Variants in ATP6V1B2 observed in about 807,000 individuals in gnomAD.
ATP6V1B2 encodes the protein ATPase H+ transporting V1 subunit B2, also known as V-type proton ATPase subunit B, brain isoform.
Under a neutral mutation model 66.7 loss-of-function variants are expected in ATP6V1B2, and 23 were observed. That is an observed-to-expected ratio of 0.34 (90% CI 0.25 to 0.49). The LOEUF (loss-of-function observed/expected upper bound fraction) is 0.49. ATP6V1B2 is among the 20% of genes least tolerant of loss of function. The pLI, the probability that ATP6V1B2 is intolerant of heterozygous loss-of-function variation, is 0.99. For synonymous variants in ATP6V1B2, 278 were observed against 236.7 expected, an observed-to-expected ratio of 1.17 and a Z score of -1.60; for missense variants, 478 against 650.8, an observed-to-expected ratio of 0.73 and a Z score of 2.89.
chr8:20,205,415 C>T (rs930324653), intron 2 of ATP6V1B2, among the ~76,000 whole-genome samples: 1 of 152,084 alleles, frequency 6.6e-6, no homozygotes, highest in Non-Finnish European at 1.5e-5. Flanking sequence ...GATATAGTAT[C>T]AATGTCTCAT....
At chr8:20,200,553 T>C (rs1460585607) in intron 1 of ATP6V1B2, among the ~76,000 whole-genome samples, 1 of 152,228 alleles carries the variant, frequency 6.6e-6, no homozygotes, top group African/African-American at 2.4e-5. Flanking sequence ...GGAAAACATA[T>C]TCAGGCTTGA....
intron 1 of ATP6V1B2, 110 bp downstream of exon 1, chr8:20,197,652 C>T: frequency 8.0e-7 from 1 of 1,244,952 alleles, no homozygotes. Context: ...TTTTCCCTCC[C>T]GCGTCTCCCC....
chr8:20,210,720 G>A (rs1350848742), intron 5 of ATP6V1B2, 74 bp downstream of exon 5: 3 of 1,374,424 alleles, frequency 2.2e-6, no homozygotes, highest in South Asian at 2.4e-5. Flanking sequence ...GCCAGATAGA[G>A]AGTGTTTTTT....
intron 6 of ATP6V1B2, 154 bp downstream of exon 6, chr8:20,211,470 A>G (rs904341058): frequency 7.7e-6 from 10 of 1,297,824 alleles, no homozygotes; most frequent in Middle Eastern, 2.4e-4. Context: ...ATTTCTGCAC[A>G]TGTCTTCTTG....
At chr8:20,210,206 A>G (rs2072779324) in intron 3 of ATP6V1B2, 140 bp from the exon 4 acceptor site, 4 of 669,526 alleles carry the variant, frequency 6.0e-6, no homozygotes, top group Non-Finnish European at 7.2e-6. Context: ...ATTTATTATC[A>G]TATTTCTTTG....
chr8:20,197,551 CAG>C lies in ATP6V1B2; in HGVS notation c.136+14_136+15del. 7.3e-7 allele frequency: 1 copy of C among 1,376,388 alleles called. No homozygotes were observed. The highest frequency in any genetic ancestry group is 9.5e-7 in the Non-Finnish European group (1 of 1,054,228). 85.3% of individuals were successfully genotyped at this position (1,376,388 alleles called of 1,614,324 possible). A position where few individuals can be genotyped will look rare whatever the true frequency, so the allele number is the denominator to read the frequency against. ...CTCCCAGCCTCGCCTCAGTGAGTATCAGAGAGTAATACGTCTCCGGTCTTTGC... is the reference window on the plus strand; with the variant it reads ...CTCCCAGCCTCGCCTCAGTGAGTATCAGAGTAATACGTCTCCGGTCTTTGC... On this transcript the variant is annotated intron_variant, in intron 1 of 13. Coordinates refer to ENST00000276390, the MANE Select transcript of ATP6V1B2 (RefSeq NM_001693.4).
intron 9 of ATP6V1B2, 33 bp downstream of exon 9, chr8:20,212,938 A>G: frequency 6.8e-6 from 11 of 1,611,752 alleles, no homozygotes; most frequent in Non-Finnish European, 9.3e-6. Context: ...TCAGTTAAAC[A>G]AAATTGGTTA....
chr8:20,212,945 G>C, intron 9 of ATP6V1B2, 40 bp downstream of exon 9: 1 of 1,611,046 alleles, frequency 6.2e-7, no homozygotes, highest in Non-Finnish European at 8.5e-7. Flanking sequence ...AACAAAATTG[G>C]TTAATTTTCA....
chr8:20,214,687 C>A lies in ATP6V1B2; in HGVS notation c.928-131C>A, dbSNP rs562888147. 9 of 1,058,530 alleles carry A rather than the reference C, an allele frequency of 8.5e-6. No homozygotes were observed. The African/African-American group carries it at 9.8e-5, about 12-fold the overall frequency. 65.6% of individuals were successfully genotyped at this position (1,058,530 alleles called of 1,614,324 possible). A position where few individuals can be genotyped will look rare whatever the true frequency, so the allele number is the denominator to read the frequency against. On this transcript the variant is annotated intron_variant, in intron 9 of 13. Coordinates refer to ENST00000276390, the MANE Select transcript of ATP6V1B2 (RefSeq NM_001693.4). ...TGCCGGGAGATTTTTCTAAATCATTCTTAAGGACAGTATTTAAAATGAACA... is the reference window on the plus strand; with the variant it reads ...TGCCGGGAGATTTTTCTAAATCATTATTAAGGACAGTATTTAAAATGAACA...
At chr8:20,205,921 G>C (rs1390487727) in intron 2 of ATP6V1B2, among the ~76,000 whole-genome samples, 3 of 152,128 alleles carry the variant, frequency 2.0e-5, no homozygotes, top group Admixed American at 2.0e-4. Flanking sequence ...TTTGATATTA[G>C]AAAATCTAAC....
In ATP6V1B2 at chr8:20,210,298, G is replaced by A. The variant is rs184988323; in HGVS notation, c.292-48G>A. 863 of 1,492,642 alleles carry A rather than the reference G, an allele frequency of 5.8e-4. 4 individuals are homozygous for A. Among genetic ancestry groups the A allele is most frequent in the Non-Finnish European group, 6.2e-5 (67 of 1,079,750 alleles). The allele number at this position is 1,492,642 out of a possible 1,614,324, so 92.5% of individuals were successfully genotyped here. On this transcript the variant is annotated intron_variant, in intron 3 of 13. Coordinates refer to ENST00000276390, the MANE Select transcript of ATP6V1B2 (RefSeq NM_001693.4). ...ACAGACAAATAAAATGTAAATGCCC[G>A]TGATCTAAATTACTTCTACCCTTCT...
At chr8:20,212,440 A>G (rs2072804626) in intron 8 of ATP6V1B2, among the ~76,000 whole-genome samples, 1 of 152,188 alleles carries the variant, frequency 6.6e-6, no homozygotes, top group Admixed American at 6.5e-5. Flanking sequence ...ATATTAAATG[A>G]GATCATACTT....
At chr8:20,209,968 A>G (rs911504388) in intron 3 of ATP6V1B2, among the ~76,000 whole-genome samples, 1 of 151,902 alleles carries the variant, frequency 6.6e-6, no homozygotes, top group Non-Finnish European at 1.5e-5. Flanking sequence ...GTAAAGGGCC[A>G]GAGAGTAAAG....
chr8:20,197,662 C>A, intron 1 of ATP6V1B2, 120 bp downstream of exon 1: 1 of 1,217,528 alleles, frequency 8.2e-7, no homozygotes, highest in South Asian at 3.2e-5. Flanking sequence ...CGCGTCTCCC[C>A]TCCGACCCTG....
intron 9 of ATP6V1B2, 108 bp downstream of exon 9, chr8:20,213,013 C>A (rs947664630): frequency 1.4e-6 from 2 of 1,431,134 alleles, no homozygotes; most frequent in Non-Finnish European, 1.9e-6. Flanking sequence ...TTCCACTGTT[C>A]ATATATTAAT....
intron 9 of ATP6V1B2, 122 bp from the exon 10 acceptor site, chr8:20,214,696 A>G (rs1585253030): frequency 9.2e-7 from 1 of 1,083,458 alleles, no homozygotes; most frequent in Non-Finnish European, 1.2e-6. Flanking sequence ...TCTTAAGGAC[A>G]GTATTTAAAA....
chr8:20,205,433 C>T lies in ATP6V1B2; in HGVS notation c.192+894C>T, dbSNP rs891441048. ...ATAGTATCAATGTCTCATTGGTACG[C>T]GCTGTGAAGAGGCAGTTAGGGTGCT... On this transcript the variant is annotated intron_variant, in intron 2 of 13. Transcript: ENST00000276390. Among the ~76,000 whole-genome samples the T allele has an allele frequency of 1.6e-4, 25 of 151,928 alleles. 1 individual carries two copies. The highest frequency in any genetic ancestry group is 4.8e-4 in the African/African-American group (20 of 41,348).
At chr8:20,201,572 A>G (rs2072688102) in intron 1 of ATP6V1B2, among the ~76,000 whole-genome samples, 1 of 152,112 alleles carries the variant, frequency 6.6e-6, no homozygotes, top group African/African-American at 2.4e-5. Context: ...ATACTTTTTA[A>G]TTGTACTGAA....
chr8:20,203,735 G>A (rs2072709676), intron 1 of ATP6V1B2, among the ~76,000 whole-genome samples: 2 of 152,092 alleles, frequency 1.3e-5, no homozygotes, highest in Admixed American at 1.3e-4. Flanking sequence ...GAGGGCTTTG[G>A]GTAGGACCTG....
Sources: allele counts gnomAD v4.1 joint callset (sites outside exome capture counted in the v4.1 genomes callset), GRCh38; gene constraint gnomAD v4.1.1; transcripts MANE v1.5; gene names NCBI Gene and HGNC (gene_info 2026-07-23, HGNC 2026-07-21).